NLGN1: variants seen among roughly 807,000 people sequenced by gnomAD.
The protein encoded by NLGN1 is neuroligin-1.
A neutral mutation model predicts 65.5 loss-of-function variants in NLGN1; 12 were observed. The observed-to-expected ratio is 0.18, with a 90% CI of 0.12 to 0.30. The LOEUF is 0.30. NLGN1 is among the 10% of genes least tolerant of loss of function. The pLI is 1.00. For synonymous variants in NLGN1, 350 were observed against 359.5 expected (o/e 0.97, Z 0.30); for missense variants, 750 against 1,007.1 (o/e 0.74, Z 3.46).
chr3:174,186,799 G>A (rs1469302852), intron 4 of NLGN1, among the ~76,000 whole-genome samples: 1 of 151,984 alleles, frequency 6.6e-6, no homozygotes, highest in East Asian at 1.9e-4. Flanking sequence ...AAAGGAAATT[G>A]AGATGAATCA....
chr3:174,109,219 ATAT>A (rs1714661390), intron 4 of NLGN1, among the ~76,000 whole-genome samples: 1 of 152,040 alleles, frequency 6.6e-6, no homozygotes, highest in African/African-American at 2.4e-5. Flanking sequence ...TTTTAAAGTA[ATAT>A]TATTATACTT....
chr3:173,881,087 T>A (rs75345910), intron 4 of NLGN1, among the ~76,000 whole-genome samples: 14 of 143,174 alleles, frequency 9.8e-5, no homozygotes, highest in African/African-American at 3.6e-4. Context: ...TCAGGCTCCC[T>A]CCTTTTTTTT....
intron 2 of NLGN1, among the ~76,000 whole-genome samples, chr3:173,486,757 A>G (rs2148990740): frequency 6.6e-6 from 1 of 152,320 alleles, no homozygotes; most frequent in East Asian, 1.9e-4. Context: ...AACCTGAACA[A>G]AACAGTTCAA....
chr3:174,259,110 A>G (rs1165894620), intron 4 of NLGN1, among the ~76,000 whole-genome samples: 2 of 152,176 alleles, frequency 1.3e-5, no homozygotes, highest in African/African-American at 4.8e-5. Flanking sequence ...TTATCCTCTC[A>G]AAAAATCTTA....
chr3:173,640,202 G>A (rs2861338), intron 3 of NLGN1, among the ~76,000 whole-genome samples: 59,802 of 151,948 alleles, frequency 0.39, 12,584 homozygotes, highest in African/African-American at 0.56. Context: ...CAGAGGAACA[G>A]TCTGATGATC....
chr3:173,834,056 G>GA (rs1723123689), intron 4 of NLGN1, among the ~76,000 whole-genome samples: 1 of 151,940 alleles, frequency 6.6e-6, no homozygotes, highest in African/African-American at 2.4e-5. Context: ...GTACATGAAA[G>GA]AAAAAAATCA....
chr3:174,164,788 T>C (rs564116833), intron 4 of NLGN1, among the ~76,000 whole-genome samples: 103 of 152,132 alleles, frequency 6.8e-4, no homozygotes, highest in African/African-American at 2.4e-3. Flanking sequence ...TGAAGTTACA[T>C]AGTGTGATGG....
rs184984732 is a variant in NLGN1 at position 173,550,463 on chromosome 3, T to C, written c.-320-53816T>C. Reference sequence around the variant, plus strand: ...AGGAAGGTAAAGGAAATAACCCACATGAATTCATCAATAAGAATTATGTTA... The same window carrying C: ...AGGAAGGTAAAGGAAATAACCCACACGAATTCATCAATAAGAATTATGTTA... On this transcript the variant is annotated intron_variant, in intron 2 of 6. Coordinates refer to ENST00000457714, the Ensembl canonical transcript of NLGN1. Among the ~76,000 whole-genome samples the C allele has an allele frequency of 4.7e-3, 712 of 152,244 alleles. 3 individuals carry two copies. The highest frequency in any genetic ancestry group is 0.016 in the African/African-American group (652 of 41,566).
chr3:173,501,422 A>T, intron 2 of NLGN1, among the ~76,000 whole-genome samples: 1 of 152,116 alleles, frequency 6.6e-6, no homozygotes, highest in East Asian at 1.9e-4. Flanking sequence ...AGTAATAATT[A>T]CTTTGTAAGA....
chr3:174,253,953 A>G (rs1416194646), intron 4 of NLGN1, among the ~76,000 whole-genome samples: 1 of 152,206 alleles, frequency 6.6e-6, no homozygotes, highest in African/African-American at 2.4e-5. Context: ...CAGTACCTCC[A>G]GAGGATTGCG....
At chr3:173,429,661 A>G (rs73883127) in intron 1 of NLGN1, among the ~76,000 whole-genome samples, 4,373 of 152,172 alleles carry the variant, frequency 0.029, 206 homozygotes, top group African/African-American at 0.1. Flanking sequence ...GTCCTGTGCC[A>G]GTTGATTTTT....
intron 2 of NLGN1, among the ~76,000 whole-genome samples, chr3:173,452,380 G>T (rs1721746750): frequency 6.6e-6 from 1 of 152,060 alleles, no homozygotes; most frequent in South Asian, 2.1e-4. Context: ...TAGAGACGGG[G>T]TTTCATCGTG....
intron 4 of NLGN1, among the ~76,000 whole-genome samples, chr3:174,111,947 G>T (rs1715320975): frequency 6.6e-6 from 1 of 151,888 alleles, no homozygotes. Flanking sequence ...GGATGTACCA[G>T]TGGAAGTAGT....
At chr3:174,129,308 A>G (rs906883591) in intron 4 of NLGN1, among the ~76,000 whole-genome samples, 1 of 149,908 alleles carries the variant, frequency 6.7e-6, no homozygotes, top group African/African-American at 2.5e-5. Context: ...ATGTGATTCA[A>G]CTCACCACCT....
chr3:173,476,338 ATTTG>A (rs1270572946), intron 2 of NLGN1, among the ~76,000 whole-genome samples: 5 of 152,206 alleles, frequency 3.3e-5, no homozygotes, highest in Non-Finnish European at 7.3e-5. Flanking sequence ...TGGGAGAAAA[ATTTG>A]GATAAGTTTA....
intron 4 of NLGN1, among the ~76,000 whole-genome samples, chr3:173,936,840 A>T (rs1462326174): frequency 6.6e-6 from 1 of 152,092 alleles, no homozygotes; most frequent in East Asian, 1.9e-4. Context: ...ATATTTAAAA[A>T]TTAGAGAATT....
intron 4 of NLGN1, among the ~76,000 whole-genome samples, chr3:173,874,336 C>T (rs1382713748): frequency 6.6e-6 from 1 of 152,102 alleles, no homozygotes; most frequent in Non-Finnish European, 1.5e-5. Context: ...GATCCCTTCT[C>T]AAAGTGATGT....
upstream of NLGN1, among the ~76,000 whole-genome samples, chr3:173,397,180 A>G (rs771579072): frequency 1.3e-5 from 2 of 152,096 alleles, no homozygotes; most frequent in African/African-American, 2.4e-5. Flanking sequence ...AAACAAACCA[A>G]TCTCAGGAGG....
At chr3:174,176,986 A>G (rs2152742043) in intron 4 of NLGN1, among the ~76,000 whole-genome samples, 1 of 152,176 alleles carries the variant, frequency 6.6e-6, no homozygotes, top group East Asian at 1.9e-4. Context: ...TACCTGGTTC[A>G]GCGTAGCATA....
Sources: gnomAD v4.1 joint callset for allele counts (sites outside exome capture counted in the v4.1 genomes callset) on GRCh38, gnomAD v4.1.1 for gene constraint, MANE v1.5 for transcripts, NCBI Gene and HGNC (gene_info 2026-07-23, HGNC 2026-07-21) for gene names.